PPARD: variants seen among roughly 807,000 people sequenced by gnomAD.
PPARD encodes the protein peroxisome proliferator activated receptor delta.
In PPARD, 6 loss-of-function variants were observed where a neutral mutation model predicts 39.5. The ratio of observed to expected loss-of-function variants is 0.15; its 90% CI spans 0.08 to 0.30. The LOEUF is 0.30. Ranked by LOEUF, PPARD falls within the 10% of genes least tolerant of loss-of-function variation. PPARD has a pLI of 1.00. For missense variants in PPARD, 397 were observed against 596.8 expected, an observed-to-expected ratio of 0.67 and a Z score of 3.49; for synonymous variants, 210 against 231.3, an observed-to-expected ratio of 0.91 and a Z score of 0.83.
At chr6:35,389,109 C>T (rs1763852766) in intron 2 of PPARD, among the ~76,000 whole-genome samples, 1 of 152,114 alleles carries the variant, frequency 6.6e-6, no homozygotes, top group South Asian at 2.1e-4. Flanking sequence ...GCCTAGGAGG[C>T]TGAGGCTGCA....
rs1411154316 is a variant in PPARD, at chr6:35,424,475, G to A, written c.774G>A (p.Arg258=). The A allele has an allele frequency of 6.2e-7, 1 of 1,614,224 alleles. No homozygotes were observed. The highest frequency in any genetic ancestry group is 8.5e-7 in the Non-Finnish European group (1 of 1,180,044). Residue 258 remains arginine, a synonymous_variant, in exon 7 of 8, where the codon CGG becomes CGA. Transcript: ENST00000360694. This position sits in a 1 kb window ranked among gnomAD's most constrained non-coding sequence, Gnocchi z 7.1. ...RCQCTTVETV[R]ELTEFAKSIP... Reference sequence around the variant, plus strand: ...AGTGCACCACAGTGGAGACCGTGCGGGAGCTCACTGAGTTCGCCAAGAGCA... The same window carrying A: ...AGTGCACCACAGTGGAGACCGTGCGAGAGCTCACTGAGTTCGCCAAGAGCA...
chr6:35,355,469 T>C (rs1761520766), intron 2 of PPARD, among the ~76,000 whole-genome samples: 1 of 135,648 alleles, frequency 7.4e-6, no homozygotes, highest in South Asian at 2.4e-4. Context: ...GGAGAATCAC[T>C]CAAGCCGAGG....
chr6:35,359,381 A>G (rs1761804168), intron 2 of PPARD, among the ~76,000 whole-genome samples: 1 of 152,186 alleles, frequency 6.6e-6, no homozygotes, highest in South Asian at 2.1e-4. Flanking sequence ...GCAGGCAAAC[A>G]TAGTCACTTA....
rs1190266924 is a variant in PPARD, at chr6:35,363,794, G to C, written c.-102+16644G>C. The stretch of plus-strand genomic sequence containing the variant: ...CTGAGCCACAGGCAGAATGTGAGCA[G>C]TTTATTTTATTTTATATTCTACATA... On this transcript the variant is annotated intron_variant, in intron 2 of 7. Coordinates refer to ENST00000360694, the MANE Select transcript of PPARD (RefSeq NM_006238.5). This position sits in a 1 kb window ranked among gnomAD's most constrained non-coding sequence, Gnocchi z 4.5. Among the ~76,000 whole-genome samples the C allele has an allele frequency of 3.9e-5, 6 of 152,062 alleles. No homozygotes were observed. The highest frequency in any genetic ancestry group is 8.8e-5 in the Non-Finnish European group (6 of 68,000).
intron 2 of PPARD, among the ~76,000 whole-genome samples, chr6:35,352,777 G>A (rs1761343849): frequency 6.6e-6 from 1 of 152,194 alleles, no homozygotes. Flanking sequence ...CTCTCTATGT[G>A]CCTTGGGCTT....
intron 2 of PPARD, among the ~76,000 whole-genome samples, chr6:35,359,647 C>A (rs577705298): frequency 6.6e-6 from 1 of 152,300 alleles, no homozygotes; most frequent in South Asian, 2.1e-4. Flanking sequence ...TGACTTCTAT[C>A]CCCACCTGTG....
chr6:35,353,985 C>T (rs577868721), intron 2 of PPARD, among the ~76,000 whole-genome samples: 2 of 152,224 alleles, frequency 1.3e-5, no homozygotes, highest in East Asian at 3.9e-4. Flanking sequence ...GTAATCTCAG[C>T]ACTTTGGGAG....
rs1766437814 is a variant in PPARD, at chr6:35,424,514, C to T, written c.813C>T (p.Ser271=). 1 of 1,614,252 alleles carries T rather than the reference C, an allele frequency of 6.2e-7. No homozygotes were observed. The highest frequency in any genetic ancestry group is 1.1e-5 in the South Asian group (1 of 91,084). ...TEFAKSIPSF[S]SLFLNDQVTL... The stretch of plus-strand genomic sequence containing the variant: ...TCGCCAAGAGCATCCCCAGCTTCAG[C>T]AGCCTCTTCCTCAACGACCAGGTTA... Residue 271 remains serine, a synonymous_variant, in exon 7 of 8, where the codon AGC becomes AGT. Transcript: ENST00000360694. The surrounding 1 kb of genome is among the most constrained non-coding windows in gnomAD (Gnocchi z 7.1).
In PPARD at chr6:35,425,709, C is replaced by G; in HGVS notation, c.1079-123C>G. The G allele has an allele frequency of 7.2e-7, 1 of 1,389,706 alleles. No individual in the cohort carries two copies. Among genetic ancestry groups the G allele is most frequent in the Non-Finnish European group, 9.8e-7 (1 of 1,019,090 alleles). 86.1% of individuals were successfully genotyped at this position (1,389,706 alleles called of 1,614,324 possible). On this transcript the variant is annotated intron_variant, in intron 7 of 7. Transcript: ENST00000360694. The surrounding 1 kb of genome is among the most constrained non-coding windows in gnomAD (Gnocchi z 4.5). Reference sequence around the variant, plus strand: ...ACCCAGTGGAGCATTGCTGATGGGACAGGGCTTGGTCTGTCACGGCCAAGG... The same window carrying G: ...ACCCAGTGGAGCATTGCTGATGGGAGAGGGCTTGGTCTGTCACGGCCAAGG...
In PPARD at chr6:35,391,032, TTAAAA is replaced by T. The variant is rs199951732; in HGVS notation, c.-101-19951_-101-19947del. 7.8e-4 allele frequency among the ~76,000 whole-genome samples: 118 copies of T among 152,098 alleles called. 1 individual carries two copies. The East Asian group carries it at 0.014, about 17-fold the overall frequency. ...ACAGAGTGAGACCCCATCTAAAAAA[TTAAAA>T]TAATAAAAATAAAATAAATGCATAG... On this transcript the variant is annotated intron_variant, in intron 2 of 7. Coordinates refer to ENST00000360694, the MANE Select transcript of PPARD (RefSeq NM_006238.5).
At chr6:35,407,716 AG>A (rs1270561104) in intron 2 of PPARD, among the ~76,000 whole-genome samples, 1 of 151,254 alleles carries the variant, frequency 6.6e-6, no homozygotes, top group Non-Finnish European at 1.5e-5. Context: ...TTGAAAAAAA[AG>A]ATTTCAGCTA....
chr6:35,372,259 C>A (rs186480727), intron 2 of PPARD, among the ~76,000 whole-genome samples: 1 of 152,288 alleles, frequency 6.6e-6, no homozygotes, highest in East Asian at 1.9e-4. Context: ...TTCACTGCAA[C>A]CTCCACCTCC....
chr6:35,390,065 G>A (rs370695379), intron 2 of PPARD, among the ~76,000 whole-genome samples: 2 of 152,198 alleles, frequency 1.3e-5, no homozygotes, highest in African/African-American at 4.8e-5. Flanking sequence ...CAGCCAAAGC[G>A]GACAGCTCGC....
chr6:35,383,861 C>T (rs1174251310), intron 2 of PPARD, among the ~76,000 whole-genome samples: 831 of 135,162 alleles, frequency 6.1e-3, no homozygotes, highest in Middle Eastern at 0.016. Context: ...AATGAGGAGC[C>T]TCTCCGCCCG....
intron 2 of PPARD, among the ~76,000 whole-genome samples, chr6:35,376,013 G>T (rs2150563706): frequency 6.6e-6 from 1 of 152,134 alleles, no homozygotes; most frequent in East Asian, 1.9e-4. Flanking sequence ...CTTTTGTTTG[G>T]AATCATTTGA....
chr6:35,390,701 G>A (rs929505850), intron 2 of PPARD, among the ~76,000 whole-genome samples: 2 of 152,010 alleles, frequency 1.3e-5, no homozygotes, highest in African/African-American at 4.8e-5. Flanking sequence ...AAGAAAAAGA[G>A]AAAAAAAGAT....
chr6:35,347,505 C>A (rs1044268327), intron 2 of PPARD, among the ~76,000 whole-genome samples: 2 of 152,038 alleles, frequency 1.3e-5, no homozygotes, highest in African/African-American at 4.8e-5. Context: ...AATGAACGAA[C>A]TTTCGTCTTT....
intron 2 of PPARD, among the ~76,000 whole-genome samples, chr6:35,375,743 G>A (rs922360141): frequency 2.6e-5 from 4 of 151,918 alleles, no homozygotes; most frequent in African/African-American, 9.7e-5. Flanking sequence ...TTCTAGAGAT[G>A]GGATGTTACT....
chr6:35,409,597 G>A (rs1765291165), intron 2 of PPARD, among the ~76,000 whole-genome samples: 1 of 151,744 alleles, frequency 6.6e-6, no homozygotes, highest in Non-Finnish European at 1.5e-5. Flanking sequence ...ACAGATGCAG[G>A]TTTGTTATGT....
Sources: allele counts gnomAD v4.1 joint callset (sites outside exome capture counted in the v4.1 genomes callset), GRCh38; gene constraint gnomAD v4.1.1; non-coding constraint Gnocchi (gnomAD v3.1); transcripts MANE v1.5; gene names NCBI Gene and HGNC (gene_info 2026-07-23, HGNC 2026-07-21).